Variants in RYR3 observed in about 807,000 individuals in gnomAD.
RYR3 encodes brain ryanodine receptor-calcium release channel.
RYR3 carries 207 observed loss-of-function variants against 584.3 expected under a neutral mutation model. The observed-to-expected ratio is 0.35, with a 90% CI of 0.32 to 0.40. The LOEUF (loss-of-function observed/expected upper bound fraction) is 0.40. RYR3 is among the 10% of genes least tolerant of loss of function. The pLI, the probability that RYR3 is intolerant of heterozygous loss-of-function variation, is 1.00. For synonymous variants in RYR3, 2,416 were observed against 2,248.5 expected, an observed-to-expected ratio of 1.07 and a Z score of -2.11; for missense variants, 5,616 against 6,089.2, an observed-to-expected ratio of 0.92 and a Z score of 2.59.
rs370282300 is a variant in RYR3 at position 33,810,371 on chromosome 15, C to A, written c.10027-108C>A. 142 of 1,067,058 alleles carry A rather than the reference C, an allele frequency of 1.3e-4. 1 individual carries two copies. The East Asian group carries it at 2.3e-3, about 17-fold the overall frequency. The allele number at this position is 1,067,058 out of a possible 1,614,324, so 66.1% of individuals were successfully genotyped here. On this transcript the variant is annotated intron_variant, in intron 70 of 103. Transcript: ENST00000634891. ...CTGTCCTTTGAAGTGTAGTAAGGCCCACCCTATACTGACAGGGCCACAAGG... is the reference window on the plus strand; with the variant it reads ...CTGTCCTTTGAAGTGTAGTAAGGCCAACCCTATACTGACAGGGCCACAAGG...
intron 98 of RYR3, 80 bp from the exon 99 acceptor site, chr15:33,857,700 G>C: frequency 6.4e-7 from 1 of 1,557,546 alleles, no homozygotes; most frequent in Non-Finnish European, 8.7e-7. Context: ...CTTCCTCCTC[G>C]TTTTCTTAGA....
At chr15:33,816,778 C>A in intron 74 of RYR3, 84 bp from the exon 75 acceptor site, 1 of 824,290 alleles carries the variant, frequency 1.2e-6, no homozygotes, top group Non-Finnish European at 2.0e-6. Flanking sequence ...AAAGTCTGTC[C>A]TGCTTACTAA....
At chr15:33,613,141 C>T in intron 18 of RYR3, 42 bp from the exon 19 acceptor site, 1 of 1,541,326 alleles carries the variant, frequency 6.5e-7, no homozygotes, top group Non-Finnish European at 8.9e-7. Flanking sequence ...TAGCAGGTGC[C>T]TCCAGAGTTC....
intron 1 of RYR3, among the ~76,000 whole-genome samples, chr15:33,407,377 A>T (rs938100642): frequency 6.6e-6 from 1 of 152,218 alleles, no homozygotes; most frequent in Non-Finnish European, 1.5e-5. Flanking sequence ...GAGTAGCCTT[A>T]CTGGAAGAGA....
intron 19 of RYR3, among the ~76,000 whole-genome samples, chr15:33,617,358 G>C (rs951110252): frequency 2.0e-5 from 3 of 151,906 alleles, no homozygotes; most frequent in Non-Finnish European, 2.9e-5. Context: ...CTTGCGGTGA[G>C]CAGAGATCAC....
intron 1 of RYR3, among the ~76,000 whole-genome samples, chr15:33,434,899 G>C (rs939330335): frequency 2.0e-5 from 3 of 152,036 alleles, no homozygotes; most frequent in Non-Finnish European, 4.4e-5. Context: ...CTCACTGCAA[G>C]CTCCACCTCC....
chr15:33,416,559 T>C (rs559620524), intron 1 of RYR3, among the ~76,000 whole-genome samples: 5 of 152,190 alleles, frequency 3.3e-5, no homozygotes, highest in Admixed American at 6.5e-5. Context: ...CTTCTTGATT[T>C]TAAGCTCCTT....
intron 92 of RYR3, 83 bp from the exon 93 acceptor site, chr15:33,844,779 C>A: frequency 8.1e-7 from 1 of 1,235,318 alleles, no homozygotes; most frequent in Non-Finnish European, 1.1e-6. Flanking sequence ...ATAGCACATG[C>A]TAACAATATA....
At chr15:33,774,506 T>C (rs985075722) in intron 64 of RYR3, among the ~76,000 whole-genome samples, 1 of 152,212 alleles carries the variant, frequency 6.6e-6, no homozygotes, top group Non-Finnish European at 1.5e-5. Flanking sequence ...TTTATTCAAA[T>C]TGCAGTTTCT....
chr15:33,772,316 A>G (rs2073638025), intron 63 of RYR3, among the ~76,000 whole-genome samples, 158 bp downstream of exon 63: 1 of 152,108 alleles, frequency 6.6e-6, no homozygotes, highest in Admixed American at 6.6e-5. Flanking sequence ...AAGAAGAAGA[A>G]GAAGTAATAT....
intron 31 of RYR3, among the ~76,000 whole-genome samples, chr15:33,650,633 G>C (rs143731488): frequency 3.4e-4 from 51 of 152,126 alleles, no homozygotes; most frequent in African/African-American, 1.1e-3. Flanking sequence ...AGCTAGATTG[G>C]CCCCAACATC....
intron 1 of RYR3, among the ~76,000 whole-genome samples, chr15:33,440,717 C>A (rs949249389): frequency 6.6e-6 from 1 of 152,178 alleles, no homozygotes; most frequent in Admixed American, 6.5e-5. Context: ...CAGGCTCTAT[C>A]CCTAGAGGTT....
intron 5 of RYR3, among the ~76,000 whole-genome samples, chr15:33,537,956 A>T: frequency 6.6e-6 from 1 of 150,820 alleles, no homozygotes; most frequent in Non-Finnish European, 1.5e-5. Context: ...AGAATTTTTC[A>T]GCTTTATCCC....
At chr15:33,788,550 C>A in intron 67 of RYR3, 92 bp downstream of exon 67, 2 of 1,462,632 alleles carry the variant, frequency 1.4e-6, no homozygotes, top group South Asian at 1.3e-5. Flanking sequence ...GGGTTGTTAA[C>A]AGTGAGATAA....
intron 69 of RYR3, among the ~76,000 whole-genome samples, chr15:33,805,572 G>C (rs2076147381): frequency 6.6e-6 from 1 of 151,148 alleles, no homozygotes; most frequent in South Asian, 2.1e-4. Flanking sequence ...CCGCCTCCCT[G>C]GTTCACACCA....
At chr15:33,742,642 T>G (rs2070268201) in intron 52 of RYR3, among the ~76,000 whole-genome samples, 198 bp downstream of exon 52, 2 of 152,240 alleles carry the variant, frequency 1.3e-5, no homozygotes, top group Non-Finnish European at 2.9e-5. Context: ...CTGGTGTTGC[T>G]TTTGTATTTC....
At chr15:33,432,865 G>T (rs2045317115) in intron 1 of RYR3, among the ~76,000 whole-genome samples, 1 of 152,036 alleles carries the variant, frequency 6.6e-6, no homozygotes, top group Non-Finnish European at 1.5e-5. Flanking sequence ...CATCGAATTA[G>T]TTTTTCAATG....
intron 45 of RYR3, 73 bp downstream of exon 45, chr15:33,724,249 A>C: frequency 1.2e-6 from 1 of 802,738 alleles, no homozygotes. Context: ...CCTGAACCTC[A>C]TTTCTTCCTC....
At chr15:33,580,741 A>G (rs1433091604) in intron 13 of RYR3, among the ~76,000 whole-genome samples, 11 of 152,186 alleles carry the variant, frequency 7.2e-5, no homozygotes, top group African/African-American at 2.4e-4. Context: ...CCAACAGGCC[A>G]TGGTTGTACT....
Sources: gnomAD v4.1 joint callset for allele counts (sites outside exome capture counted in the v4.1 genomes callset) on GRCh38, gnomAD v4.1.1 for gene constraint, MANE v1.5 for transcripts, NCBI Gene and HGNC (gene_info 2026-07-23, HGNC 2026-07-21) for gene names.